Variants in MTCH2 observed in about 807,000 individuals in gnomAD.
MTCH2 encodes the protein mitochondrial carrier 2.
MTCH2 carries 25 observed loss-of-function variants against 50.6 expected under a neutral mutation model. The observed-to-expected ratio is 0.49, with a 90% CI of 0.36 to 0.69. MTCH2 has a LOEUF of 0.69. Ranked by LOEUF, MTCH2 falls within the 30% of genes least tolerant of loss-of-function variation. The pLI, the probability that MTCH2 is intolerant of heterozygous loss-of-function variation, is 0.00. For synonymous variants in MTCH2, 106 were observed against 132.0 expected, an observed-to-expected ratio of 0.80 and a Z score of 1.35; for missense variants, 273 against 384.4, an observed-to-expected ratio of 0.71 and a Z score of 2.42.
chr11:47,634,622 C>T, intron 5 of MTCH2, 50 bp downstream of exon 5: 2 of 1,404,150 alleles, frequency 1.4e-6, no homozygotes, highest in Non-Finnish European at 2.0e-6. Flanking sequence ...ATAGTTGCAA[C>T]ACCACAGTTT....
the MTCH2 span, among the ~76,000 whole-genome samples, chr11:47,606,311 C>T: frequency 9.9e-5 from 15 of 152,276 alleles, no homozygotes; most frequent in South Asian, 8.3e-4. Flanking sequence ...TGAAAACTGC[C>T]AACCTGACAT....
downstream of MTCH2, among the ~76,000 whole-genome samples, chr11:47,614,520 G>A (rs910861226): frequency 6.6e-6 from 1 of 151,874 alleles, no homozygotes; most frequent in Admixed American, 6.6e-5. Context: ...AGGCTGGAGT[G>A]CAATGGCACC....
the MTCH2 span, among the ~76,000 whole-genome samples, chr11:47,608,899 A>C: frequency 6.8e-6 from 1 of 147,066 alleles, no homozygotes. Context: ...CGGAGCTTGC[A>C]GTGAGCCGAG....
chr11:47,609,960 G>T, the MTCH2 span, among the ~76,000 whole-genome samples: 2 of 152,172 alleles, frequency 1.3e-5, no homozygotes, highest in Admixed American at 1.3e-4. Context: ...GGGTAGGGAG[G>T]ACACAAACTC....
chr11:47,628,983 G>A lies in MTCH2; in HGVS notation c.603C>T (p.Tyr201=), dbSNP rs781166400. The A allele has an allele frequency of 1.2e-6, 2 of 1,613,988 alleles. No homozygotes were observed. The highest frequency in any genetic ancestry group is 8.5e-7 in the Non-Finnish European group (1 of 1,179,976). The change falls in exon 9 of 13, where the codon TAC becomes TAT. Residue 201 remains tyrosine (Y), a synonymous_variant. Transcript: ENST00000302503. ...LSLWLCNSLA[Y]LVNTYALDSG... is the part of the protein sequence containing the mutation. ...TGTCCAGTGCATAGGTATTGACGAG[G>A]TAGGCCAGTGAGTTACACAGCCACA... is the stretch of plus-strand genomic sequence containing the variant.
At chr11:47,630,534 C>A (rs777460527) in intron 8 of MTCH2, 21 bp downstream of exon 8, 3 of 1,586,606 alleles carry the variant, frequency 1.9e-6, no homozygotes, top group Middle Eastern at 3.3e-4. Flanking sequence ...AAAAATTACA[C>A]ACTAATCAAC....
At chr11:47,612,088 C>T in the MTCH2 span, among the ~76,000 whole-genome samples, 1 of 152,130 alleles carries the variant, frequency 6.6e-6, no homozygotes, top group African/African-American at 2.4e-5. Flanking sequence ...AAAATTAATC[C>T]TCATTCTTAG....
chr11:47,641,874 C>T (rs1400979465), intron 1 of MTCH2, among the ~76,000 whole-genome samples: 1 of 150,388 alleles, frequency 6.6e-6, no homozygotes, highest in African/African-American at 2.5e-5. Context: ...AACCTCGGAA[C>T]AGAAAAGCAG....
At chr11:47,636,518 C>T (rs2097308714) in intron 3 of MTCH2, among the ~76,000 whole-genome samples, 1 of 150,138 alleles carries the variant, frequency 6.7e-6, no homozygotes, top group Non-Finnish European at 1.5e-5. Flanking sequence ...GATCACCTGA[C>T]GTCAGGAGTT....
At chr11:47,637,287 G>C (rs888136828) in intron 3 of MTCH2, among the ~76,000 whole-genome samples, 73 of 152,184 alleles carry the variant, frequency 4.8e-4, no homozygotes, top group African/African-American at 1.8e-3. Flanking sequence ...ACTGCGCCTG[G>C]CCAAGAACTT....
intron 9 of MTCH2, among the ~76,000 whole-genome samples, chr11:47,628,273 AG>A (rs2097299862): frequency 6.6e-6 from 1 of 152,168 alleles, no homozygotes; most frequent in South Asian, 2.1e-4. Flanking sequence ...CACCCTCTTA[AG>A]TCCAGATTAG....
chr11:47,639,500 A>C (rs146940221), intron 1 of MTCH2, among the ~76,000 whole-genome samples: 1 of 152,386 alleles, frequency 6.6e-6, no homozygotes, highest in East Asian at 1.9e-4. Flanking sequence ...ATATAGCTGG[A>C]TAATTCACTT....
intron 12 of MTCH2, 97 bp downstream of exon 12, chr11:47,622,604 A>G: frequency 2.1e-6 from 2 of 956,520 alleles, no homozygotes; most frequent in South Asian, 1.6e-5. Context: ...AAAGTGAGCT[A>G]CAAGAGTTAA....
chr11:47,630,147 G>A (rs1037978556), intron 8 of MTCH2, among the ~76,000 whole-genome samples: 33 of 152,226 alleles, frequency 2.2e-4, no homozygotes, highest in Admixed American at 1.5e-3. Flanking sequence ...TCCTGCCTCA[G>A]CCTCCCGAGT....
intron 9 of MTCH2, among the ~76,000 whole-genome samples, chr11:47,628,739 T>C (rs2097300342): frequency 6.6e-6 from 1 of 152,116 alleles, no homozygotes; most frequent in African/African-American, 2.4e-5. Context: ...CACGCCCAGC[T>C]AATTTTTTCT....
intron 8 of MTCH2, 45 bp downstream of exon 8, chr11:47,630,509 GT>G (rs1565969412): frequency 1.3e-6 from 2 of 1,486,224 alleles, no homozygotes; most frequent in South Asian, 2.3e-5. Flanking sequence ...TTCAGAAAAC[GT>G]TTCCCACTCA....
At position 47,634,729 on chromosome 11, in the gene MTCH2, T is replaced by C; in HGVS notation, c.312A>G (p.Leu104=). ...HYQESDKGEE[L]GPGNVQKEVS... ...CTTCTTTCTGTACATTTCCAGGTCC[T>C]AACTCCTGGAAATCAAAATCAAAGA... Residue 104 remains leucine (L), a synonymous_variant, in exon 5 of 13, where the codon TTA becomes TTG. Transcript: ENST00000302503. The C allele has an allele frequency of 1.9e-6, 3 of 1,556,482 alleles. No homozygotes were observed. The South Asian group carries it at 3.4e-5, about 18-fold the overall frequency.
chr11:47,618,555 T>C lies in MTCH2; in HGVS notation c.*278A>G. 2.6e-6 allele frequency: 1 copy of C among 388,664 alleles called. No homozygotes were observed. The highest frequency in any genetic ancestry group is 4.7e-6 in the Non-Finnish European group (1 of 214,212). The allele number at this position is 388,664 out of a possible 1,614,324, so 24.1% of individuals were successfully genotyped here. ...CAAAAATCACATGACAAAGTGCCTG[T>C]AGCTTCAGGAAAATACAACTTTTTT... is the stretch of plus-strand genomic sequence containing the variant. On this transcript the variant is annotated 3_prime_UTR_variant, in exon 13 of 13. Coordinates refer to ENST00000302503, the MANE Select transcript of MTCH2 (RefSeq NM_014342.4).
At chr11:47,639,702 G>C (rs910392917) in intron 1 of MTCH2, among the ~76,000 whole-genome samples, 1 of 152,106 alleles carries the variant, frequency 6.6e-6, no homozygotes, top group African/African-American at 2.4e-5. Flanking sequence ...GCCGGGCGTA[G>C]GGGCGGGCGC....
Sources: gnomAD v4.1 joint callset for allele counts (sites outside exome capture counted in the v4.1 genomes callset) on GRCh38, gnomAD v4.1.1 for gene constraint, MANE v1.5 for transcripts, NCBI Gene and HGNC (gene_info 2026-07-23, HGNC 2026-07-21) for gene names.